Variants in ABCC3 observed in about 807,000 individuals in gnomAD.
ABCC3 encodes ATP-binding cassette sub-family C member 3.
Under a neutral mutation model 165.3 loss-of-function variants are expected in ABCC3, and 121 were observed. The observed-to-expected ratio is 0.73, with a 90% confidence interval of 0.63 to 0.85. The LOEUF (loss-of-function observed/expected upper bound fraction) is 0.85. ABCC3 is among the 40% of genes least tolerant of loss of function. The pLI is 0.00. For synonymous variants in ABCC3, 733 were observed against 810.1 expected (o/e 0.90, Z 1.62); for missense variants, 1,869 against 1,964.1 (o/e 0.95, Z 0.92).
At chr17:50,661,168 G>A in intron 8 of ABCC3, 54 bp downstream of exon 8, 1 of 1,489,498 alleles carries the variant, frequency 6.7e-7, no homozygotes, top group South Asian at 1.3e-5. Flanking sequence ...AGGGCTGGCT[G>A]GCTAGCCCAG....
chr17:50,677,571 C>T (rs1967845430), intron 23 of ABCC3, among the ~76,000 whole-genome samples, 173 bp from the exon 24 acceptor site: 2 of 151,974 alleles, frequency 1.3e-5, no homozygotes, highest in South Asian at 4.2e-4. Context: ...GAGTGAATGA[C>T]ACATCAAGGC....
rs11568610 is a variant in ABCC3, at chr17:50,668,014, C to A, written c.1782+5C>A. The A allele has an allele frequency of 2.5e-6, 4 of 1,612,762 alleles. No homozygotes were observed. The Admixed American group carries it at 5.0e-5, about 20-fold the overall frequency. ...TTAATCAGCAACCTGACTCAGGTAA[C>A]CCTGGGTAGGGCTGGGGGCTCTACT... On this transcript the variant is annotated splice_donor_5th_base_variant and intron_variant, in intron 13 of 30. Coordinates refer to ENST00000285238, the MANE Select transcript of ABCC3 (RefSeq NM_003786.4).
intron 29 of ABCC3, chr17:50,687,273 C>T: frequency 2.2e-6 from 1 of 461,512 alleles, no homozygotes; most frequent in South Asian, 4.3e-5. Context: ...GAAGAAAGCA[C>T]CGAGAGAGGA....
intron 1 of ABCC3, among the ~76,000 whole-genome samples, chr17:50,655,524 G>T (rs1278720088): frequency 6.6e-6 from 1 of 151,770 alleles, no homozygotes; most frequent in Admixed American, 6.6e-5. Context: ...GAGCAGTTTT[G>T]CAGGTGTATA....
intron 1 of ABCC3, 176 bp downstream of exon 1, chr17:50,635,157 G>T (rs563467150): frequency 5.1e-5 from 34 of 661,546 alleles, no homozygotes; most frequent in Middle Eastern, 4.4e-4. Context: ...TGCGCCGCCC[G>T]GAGCCGGGTC....
rs530832468 is a variant in ABCC3 at position 50,635,233 on chromosome 17, A to T, written c.45+252A>T. The T allele has an allele frequency of 4.3e-5, 27 of 623,886 alleles. No individual in the cohort carries two copies. In the East Asian group the frequency reaches 7.4e-4, roughly 17 times the overall value. 38.6% of individuals were successfully genotyped at this position (623,886 alleles called of 1,614,324 possible). On this transcript the variant is annotated intron_variant, in intron 1 of 30. Transcript: ENST00000285238. ...GCTGCAGCACTGGGGAGCCCGGGAA[A>T]GTGAGGAAGAGTGCGCGGCTGGGGC... is the stretch of plus-strand genomic sequence containing the variant.
chr17:50,675,798 G>T lies in ABCC3; in HGVS notation c.2859+23G>T, dbSNP rs754212186. The T allele has an allele frequency of 6.9e-6, 11 of 1,583,852 alleles. No homozygotes were observed. In the East Asian group the frequency reaches 2.5e-4, roughly 36 times the overall value. On this transcript the variant is annotated intron_variant, in intron 21 of 30. Transcript: ENST00000285238. Reference sequence around the variant, plus strand: ...ACTGTGAGTCGGTGGGGCAAGAGGGGCTGGAGGGGATGGACAGGCAGGCCC... The same window carrying T: ...ACTGTGAGTCGGTGGGGCAAGAGGGTCTGGAGGGGATGGACAGGCAGGCCC...
intron 17 of ABCC3, among the ~76,000 whole-genome samples, chr17:50,670,837 A>G (rs572670661): frequency 1.3e-5 from 2 of 152,290 alleles, no homozygotes; most frequent in African/African-American, 4.8e-5. Context: ...GAGGGAAAAG[A>G]TAGAGAGAGG....
intron 6 of ABCC3, 156 bp from the exon 7 acceptor site, chr17:50,659,081 C>A: frequency 2.3e-6 from 2 of 863,544 alleles, no homozygotes; most frequent in Non-Finnish European, 3.6e-6. Context: ...AGCCTATTCA[C>A]TGAGGAAATG....
Position 50,663,912 on chromosome 17 carries a change from G to T in ABCC3, c.1177-38G>T, listed in dbSNP as rs753911946. On this transcript the variant is annotated intron_variant, in intron 9 of 30. Coordinates refer to ENST00000285238, the MANE Select transcript of ABCC3 (RefSeq NM_003786.4). ...GCTGGCCCTGGGCAGCTTGCAAGAG[G>T]CTCGCAGCCAAGTCCACCCACTACT... 1.9e-6 allele frequency: 3 copies of T among 1,614,196 alleles called. No individual in the cohort carries two copies. In the South Asian group the frequency reaches 3.3e-5, roughly 18 times the overall value.
At chr17:50,666,717 G>A (rs901160761) in intron 11 of ABCC3, among the ~76,000 whole-genome samples, 5 of 152,312 alleles carry the variant, frequency 3.3e-5, no homozygotes, top group African/African-American at 9.6e-5. Flanking sequence ...AATTCTACAC[G>A]TAGCCCATGG....
At chr17:50,654,957 G>A (rs190224285) in intron 1 of ABCC3, among the ~76,000 whole-genome samples, 113 of 148,604 alleles carry the variant, frequency 7.6e-4, no homozygotes, top group Middle Eastern at 3.5e-3. Context: ...AAAATTAGCC[G>A]GGCGTAGTGG....
At chr17:50,688,445 G>T (rs1249995914) in intron 30 of ABCC3, 1 of 152,336 alleles carries the variant, frequency 6.6e-6, no homozygotes, top group East Asian at 1.9e-4. Flanking sequence ...CAACTCAAGT[G>T]GCAGCTGGAC....
At chr17:50,662,655 A>AG (rs546011319) in intron 8 of ABCC3, among the ~76,000 whole-genome samples, 7,206 of 146,158 alleles carry the variant, frequency 0.049, 183 homozygotes, top group Non-Finnish European at 0.073. Flanking sequence ...AAAAAAAAAA[A>AG]AAAGAGAGAG....
chr17:50,679,429 T>C (rs1408294302), intron 25 of ABCC3: 3 of 170,240 alleles, frequency 1.8e-5, no homozygotes, highest in Non-Finnish European at 3.8e-5. Context: ...CATGGGCCAG[T>C]TGCATCACCA....
intron 19 of ABCC3, among the ~76,000 whole-genome samples, chr17:50,674,018 C>CTT (rs1567835666): frequency 0.016 from 130 of 8,250 alleles, 42 homozygotes; most frequent in Admixed American, 0.044. Context: ...CTCTCTCTCT[C>CTT]TCTCTCTCTC....
rs553183559 is a variant in ABCC3, at chr17:50,664,956, G to A, written c.1339-197G>A. Among the ~76,000 whole-genome samples the A allele has an allele frequency of 2.0e-4, 30 of 152,180 alleles. No homozygotes were observed. In the South Asian group the frequency reaches 2.9e-3, roughly 15 times the overall value. Reference sequence around the variant, plus strand: ...TCTATATCTGCTGTCTGTCCCTGTCGTCGTTATCTAATGGCTGGCTGCTTC... The same window carrying A: ...TCTATATCTGCTGTCTGTCCCTGTCATCGTTATCTAATGGCTGGCTGCTTC... On this transcript the variant is annotated intron_variant, in intron 10 of 30. Coordinates refer to ENST00000285238, the MANE Select transcript of ABCC3 (RefSeq NM_003786.4).
chr17:50,673,980 C>CTTTCTTTCTTTCTTTCTT lies in ABCC3; in HGVS notation c.2599+323_2599+324insTTCTTTCTTTCTTTCTTT, dbSNP rs1967725765. Among the ~76,000 whole-genome samples, 21 of 9,400 alleles carry CTTTCTTTCTTTCTTTCTT rather than the reference C, an allele frequency of 2.2e-3. 3 individuals are homozygous for CTTTCTTTCTTTCTTTCTT. The highest frequency in any genetic ancestry group is 3.8e-3 in the Admixed American group (3 of 788). The allele number at this position is 9,400 out of a possible 152,430, so 6.2% of individuals were successfully genotyped here. A position where few individuals can be genotyped will look rare whatever the true frequency, so the allele number is the denominator to read the frequency against. On this transcript the variant is annotated intron_variant, in intron 19 of 30. Coordinates refer to ENST00000285238, the MANE Select transcript of ABCC3 (RefSeq NM_003786.4). ...TCTTTCTTTCTTTCTTTCTTTCTTT[C>CTTTCTTTCTTTCTTTCTT]TCTCTCTCTCTCTCTCTCTCTCTCT...
rs753866004 is a variant in ABCC3 at position 50,676,534 on chromosome 17, G to A, written c.3324G>A (p.Thr1108=). The part of the protein sequence containing the change: ...ISTLVVIMAS[T]PLFTVVILPL... ...CTCTTGTGGTCATCATGGCCAGCACGCCGCTCTTCACTGTGGTCATCCTGC... is the reference window on the plus strand; with the variant it reads ...CTCTTGTGGTCATCATGGCCAGCACACCGCTCTTCACTGTGGTCATCCTGC... The change falls in exon 23 of 31, where the codon ACG becomes ACA. Residue 1108 remains threonine (T), a synonymous_variant. Coordinates refer to ENST00000285238, the MANE Select transcript of ABCC3 (RefSeq NM_003786.4). 18 of 1,613,932 alleles carry A rather than the reference G, an allele frequency of 1.1e-5. No individual in the cohort carries two copies. The highest frequency in any genetic ancestry group is 8.3e-5 in the Admixed American group (5 of 59,982).
Sources: allele counts gnomAD v4.1 joint callset (sites outside exome capture counted in the v4.1 genomes callset), GRCh38; gene constraint gnomAD v4.1.1; transcripts MANE v1.5; gene names NCBI Gene and HGNC (gene_info 2026-07-23, HGNC 2026-07-21).